Variants in ABTB3 observed in about 807,000 individuals in gnomAD.
The protein encoded by ABTB3 is ankyrin repeat and BTB domain containing 3.
At chr12:107,347,270 T>C in the ABTB3 span, among the ~76,000 whole-genome samples, 1 of 152,190 alleles carries the variant, frequency 6.6e-6, no homozygotes, top group African/African-American at 2.4e-5. Flanking sequence ...CTAGGAGATA[T>C]AAAGTTAAAT....
the ABTB3 span, among the ~76,000 whole-genome samples, chr12:107,597,060 C>T: frequency 6.6e-6 from 1 of 152,182 alleles, no homozygotes; most frequent in African/African-American, 2.4e-5. Flanking sequence ...AACTCAAGGG[C>T]ACATTGTTGT....
chr12:107,616,113 G>A, the ABTB3 span, among the ~76,000 whole-genome samples: 1 of 152,176 alleles, frequency 6.6e-6, no homozygotes, highest in Admixed American at 6.5e-5. Flanking sequence ...CTATAGAACA[G>A]TATGCCCAGT....
the ABTB3 span, among the ~76,000 whole-genome samples, chr12:107,377,989 A>T: frequency 1.1e-4 from 16 of 152,342 alleles, no homozygotes; most frequent in African/African-American, 3.8e-4. Flanking sequence ...CTGGTAGGGA[A>T]GTAAAAGGGA....
chr12:107,563,804 G>A, the ABTB3 span, among the ~76,000 whole-genome samples: 178 of 152,260 alleles, frequency 1.2e-3, no homozygotes, highest in African/African-American at 4.0e-3. Context: ...AACAAACACA[G>A]TGTATTCCCA....
chr12:107,388,603 T>G, the ABTB3 span, among the ~76,000 whole-genome samples: 1 of 151,558 alleles, frequency 6.6e-6, no homozygotes, highest in African/African-American at 2.4e-5. Context: ...TTCCTCTCTC[T>G]CTCTCTCCCC....
chr12:107,616,562 C>A, the ABTB3 span, among the ~76,000 whole-genome samples: 2 of 152,228 alleles, frequency 1.3e-5, no homozygotes, highest in African/African-American at 2.4e-5. Flanking sequence ...TGTCCAGAAA[C>A]CTTAGCATTT....
the ABTB3 span, among the ~76,000 whole-genome samples, chr12:107,486,247 T>A: frequency 1.4e-3 from 216 of 152,282 alleles, no homozygotes; most frequent in African/African-American, 4.8e-3. Flanking sequence ...TTGAGGGACA[T>A]GTTCAGACCT....
chr12:107,612,966 G>T, the ABTB3 span: 1 of 1,129,934 alleles, frequency 8.9e-7, no homozygotes, highest in Non-Finnish European at 1.3e-6. Context: ...CTGCCACTGA[G>T]GGTGCACAGT....
At chr12:107,593,924 C>T in the ABTB3 span, among the ~76,000 whole-genome samples, 1 of 152,322 alleles carries the variant, frequency 6.6e-6, no homozygotes. Flanking sequence ...TATTGGCCAG[C>T]ACTTGGTCAT....
chr12:107,383,254 G>A, the ABTB3 span, among the ~76,000 whole-genome samples: 1 of 152,226 alleles, frequency 6.6e-6, no homozygotes, highest in African/African-American at 2.4e-5. Flanking sequence ...TTGCCCTGCA[G>A]GTATGGCTGG....
At chr12:107,612,625 G>T in the ABTB3 span, among the ~76,000 whole-genome samples, 1 of 152,248 alleles carries the variant, frequency 6.6e-6, no homozygotes, top group Non-Finnish European at 1.5e-5. Context: ...GGAGGGTTGT[G>T]ACCTTACGAG....
At chr12:107,510,945 C>T in the ABTB3 span, among the ~76,000 whole-genome samples, 1 of 151,976 alleles carries the variant, frequency 6.6e-6, no homozygotes, top group Non-Finnish European at 1.5e-5. Flanking sequence ...AAAGAAAAGT[C>T]TCTCTGAGAA....
chr12:107,373,256 T>G, the ABTB3 span, among the ~76,000 whole-genome samples: 2 of 152,188 alleles, frequency 1.3e-5, no homozygotes, highest in Non-Finnish European at 2.9e-5. Flanking sequence ...TACTGTTGCA[T>G]CTGTGTGTGT....
the ABTB3 span, among the ~76,000 whole-genome samples, chr12:107,414,500 A>G: frequency 6.6e-6 from 1 of 152,310 alleles, no homozygotes; most frequent in Non-Finnish European, 1.5e-5. Flanking sequence ...TTTGGAAATT[A>G]AAGACATAGT....
At chr12:107,432,598 G>T in the ABTB3 span, among the ~76,000 whole-genome samples, 2 of 152,148 alleles carry the variant, frequency 1.3e-5, no homozygotes, top group African/African-American at 4.8e-5. Context: ...GGACAGAGGA[G>T]GTGTCTAATA....
At chr12:107,554,058 C>T in the ABTB3 span, among the ~76,000 whole-genome samples, 1 of 152,176 alleles carries the variant, frequency 6.6e-6, no homozygotes, top group Non-Finnish European at 1.5e-5. Context: ...ACGGAGAGTA[C>T]TGAACATTTG....
At chr12:107,318,808 G>A in the ABTB3 span, 3 of 1,017,520 alleles carry the variant, frequency 2.9e-6, no homozygotes, top group Non-Finnish European at 4.2e-6. Flanking sequence ...ACTAACAGTT[G>A]GTAGCAGCGG....
At chr12:107,381,599 A>G in the ABTB3 span, among the ~76,000 whole-genome samples, 1 of 152,240 alleles carries the variant, frequency 6.6e-6, no homozygotes, top group Non-Finnish European at 1.5e-5. Context: ...ATTAATGGCA[A>G]TGGATGAGGC....
chr12:107,430,181 T>C, the ABTB3 span, among the ~76,000 whole-genome samples: 1 of 152,248 alleles, frequency 6.6e-6, no homozygotes, highest in Non-Finnish European at 1.5e-5. Context: ...GATTTTAAAA[T>C]ACTGTCTTAT....
Sources: gnomAD v4.1 joint callset for allele counts (sites outside exome capture counted in the v4.1 genomes callset) on GRCh38, gnomAD v4.1.1 for gene constraint, MANE v1.5 for transcripts, NCBI Gene and HGNC (gene_info 2026-07-23, HGNC 2026-07-21) for gene names.